The following PATL2 variants were observed in gnomAD, a reference collection of about 807,000 sequenced individuals.
The protein encoded by PATL2 is protein PAT1 homolog 2.
Under a neutral mutation model 77.0 loss-of-function variants are expected in PATL2, and 73 were observed. The ratio of observed to expected loss-of-function variants is 0.95; its 90% CI spans 0.78 to 1.15. The LOEUF (loss-of-function observed/expected upper bound fraction) is 1.15. Ranked by LOEUF, PATL2 falls within the 50% of genes most tolerant of loss-of-function variation. The probability of loss-of-function intolerance (pLI) is 0.00; values close to 1 mark genes in which losing one functional copy is unlikely to be tolerated. For missense variants in PATL2, 618 were observed against 655.4 expected (o/e 0.94, Z 0.62); for synonymous variants, 265 against 257.1 (o/e 1.03, Z -0.29).
At chr15:44,676,428 T>G in intron 4 of PATL2, 47 bp downstream of exon 4, 1 of 1,466,438 alleles carries the variant, frequency 6.8e-7, no homozygotes, top group Non-Finnish European at 9.4e-7. Context: ...CAGCAACCTC[T>G]GCATGCTGGG....
intron 9 of PATL2, among the ~76,000 whole-genome samples, chr15:44,671,582 G>C (rs975243627): frequency 2.6e-5 from 4 of 152,072 alleles, no homozygotes; most frequent in Non-Finnish European, 4.4e-5. Flanking sequence ...GAAGGAAGCA[G>C]GGGAAAATGA....
intron 3 of PATL2, among the ~76,000 whole-genome samples, chr15:44,687,050 T>C (rs2086275003): frequency 6.6e-6 from 1 of 152,176 alleles, no homozygotes; most frequent in Non-Finnish European, 1.5e-5. Context: ...CCTAACTCAT[T>C]TGATGAGGCC....
intron 3 of PATL2, among the ~76,000 whole-genome samples, chr15:44,683,409 G>C (rs927195025): frequency 1.3e-5 from 2 of 152,144 alleles, no homozygotes; most frequent in African/African-American, 4.8e-5. Flanking sequence ...TGGGGGGAGG[G>C]GCGTTTGCCA....
intron 3 of PATL2, among the ~76,000 whole-genome samples, chr15:44,705,017 T>C (rs1388660145): frequency 1.3e-5 from 2 of 152,232 alleles, no homozygotes; most frequent in African/African-American, 2.4e-5. Flanking sequence ...GTTTATTAAA[T>C]GTTTTGAGGT....
intron 4 of PATL2, chr15:44,675,901 G>T (rs1022151353): frequency 1.1e-5 from 6 of 547,784 alleles, no homozygotes; most frequent in Non-Finnish European, 1.9e-5. Flanking sequence ...TGGAACCTGA[G>T]CCAGGTGTGG....
chr15:44,686,831 T>C (rs2086268975), intron 3 of PATL2, among the ~76,000 whole-genome samples: 1 of 152,036 alleles, frequency 6.6e-6, no homozygotes, highest in Non-Finnish European at 1.5e-5. Context: ...CCTGGACACA[T>C]ACACCCTCCC....
In PATL2 at chr15:44,669,281, C is replaced by T. The variant is rs1022791837; in HGVS notation, c.1063G>A (p.Glu355Lys). ...TLKTQEQNNL[E>K]EAADGFLQVL... is the part of the protein sequence containing the mutation. Reference sequence around the variant, plus strand: ...GAGGTGGAACCCTCCCACACTCACTCCAGGTTGTTCTGCTCCTGGGTCTTT... The same window carrying T: ...GAGGTGGAACCCTCCCACACTCACTTCAGGTTGTTCTGCTCCTGGGTCTTT... Residue 355 changes from glutamate to lysine, a missense_variant and splice_region_variant, in exon 13 of 18, where the codon GAA (glutamate) becomes AAA (lysine). Coordinates refer to ENST00000682850, the MANE Select transcript of PATL2 (RefSeq NM_001387263.1). The T allele has an allele frequency of 6.5e-6, 10 of 1,548,344 alleles. No individual in the cohort carries two copies. Among genetic ancestry groups the T allele is most frequent in the African/African-American group, 5.5e-5 (4 of 72,980 alleles).
At chr15:44,676,722 C>A in intron 3 of PATL2, 157 bp from the exon 4 acceptor site, 1 of 1,217,010 alleles carries the variant, frequency 8.2e-7, no homozygotes, top group Non-Finnish European at 1.1e-6. Context: ...GCCATAAACA[C>A]CCACCCTCCC....
In PATL2 at chr15:44,665,836, C is replaced by A. The variant is rs1436137795; in HGVS notation, c.*117G>T. 1 of 1,537,408 alleles carries A rather than the reference C, an allele frequency of 6.5e-7. No homozygotes were observed. Among genetic ancestry groups the A allele is most frequent in the Non-Finnish European group, 8.8e-7 (1 of 1,142,320 alleles). ...GATATGAAAATGGGGAAGGGTTCTC[C>A]AATATATAAAGGCATAAGAAATGTC... On this transcript the variant is annotated 3_prime_UTR_variant, in exon 18 of 18. Transcript: ENST00000682850.
intron 3 of PATL2, among the ~76,000 whole-genome samples, chr15:44,691,906 G>C (rs1162211287): frequency 6.6e-6 from 1 of 152,050 alleles, no homozygotes; most frequent in Admixed American, 6.6e-5. Flanking sequence ...TTATTTTATA[G>C]AGGGAGGATA....
chr15:44,676,413 C>G, intron 4 of PATL2, 62 bp downstream of exon 4: 1 of 1,414,216 alleles, frequency 7.1e-7, no homozygotes, highest in Non-Finnish European at 9.8e-7. Context: ...ATATGTGAAA[C>G]AGACCAGCAA....
intron 3 of PATL2, among the ~76,000 whole-genome samples, chr15:44,691,386 G>A (rs1357415422): frequency 6.6e-6 from 1 of 152,210 alleles, no homozygotes; most frequent in Non-Finnish European, 1.5e-5. Context: ...GGCCAGGCAT[G>A]GTGGCTCATG....
intron 3 of PATL2, among the ~76,000 whole-genome samples, chr15:44,690,333 T>A (rs900137235): frequency 6.7e-6 from 1 of 150,342 alleles, no homozygotes; most frequent in African/African-American, 2.5e-5. Flanking sequence ...ACAAATAAAG[T>A]CAAAATATTT....
intron 3 of PATL2, among the ~76,000 whole-genome samples, chr15:44,678,436 C>T (rs771868351): frequency 5.9e-5 from 9 of 152,190 alleles, no homozygotes; most frequent in Non-Finnish European, 1.0e-4. Flanking sequence ...TTGGGACCTA[C>T]TGTTTTTTAT....
intron 3 of PATL2, among the ~76,000 whole-genome samples, chr15:44,705,988 T>G (rs1321139085): frequency 6.6e-6 from 1 of 151,990 alleles, no homozygotes; most frequent in Non-Finnish European, 1.5e-5. Flanking sequence ...TTAGTAGAGA[T>G]AGGGTTTCAC....
At chr15:44,676,752 G>C (rs2085978749) in intron 3 of PATL2, 187 bp from the exon 4 acceptor site, 13 of 1,274,634 alleles carry the variant, frequency 1.0e-5, no homozygotes, top group Non-Finnish European at 1.0e-5. Context: ...CTAGGGAGCT[G>C]TCCCACAAAG....
intron 4 of PATL2, chr15:44,675,963 T>C (rs2141212142): frequency 4.6e-6 from 2 of 438,920 alleles, no homozygotes; most frequent in South Asian, 3.6e-5. Context: ...GGGAAGATCA[T>C]TTGGGCCCAG....
intron 3 of PATL2, among the ~76,000 whole-genome samples, chr15:44,691,660 CA>C (rs551878031): frequency 0.05 from 5,027 of 99,996 alleles, 250 homozygotes; most frequent in African/African-American, 0.16. Context: ...GACTCTGTCT[CA>C]AAAAAAAAAA....
At position 44,669,284 on chromosome 15, in the gene PATL2, G is replaced by A; in HGVS notation, c.1060C>T (p.Leu354=). The A allele has an allele frequency of 6.5e-7, 1 of 1,549,184 alleles. No homozygotes were observed. Among genetic ancestry groups the A allele is most frequent in the Non-Finnish European group, 8.7e-7 (1 of 1,145,090 alleles). ...QTLKTQEQNN[L]EEAADGFLQV... ...GTGGAACCCTCCCACACTCACTCCA[G>A]GTTGTTCTGCTCCTGGGTCTTTAAG... The change falls in exon 13 of 18, where the codon CTG becomes TTG. Residue 354 remains leucine (L), a synonymous_variant. Coordinates refer to ENST00000682850, the MANE Select transcript of PATL2 (RefSeq NM_001387263.1).
Sources: allele counts gnomAD v4.1 joint callset (sites outside exome capture counted in the v4.1 genomes callset), GRCh38; gene constraint gnomAD v4.1.1; transcripts MANE v1.5; gene names NCBI Gene and HGNC (gene_info 2026-07-23, HGNC 2026-07-21).